SIRT1: variants seen among roughly 807,000 people sequenced by gnomAD.
SIRT1 encodes the protein NAD-dependent protein deacetylase sirtuin-1.
Under a neutral mutation model 67.9 loss-of-function variants are expected in SIRT1, and 24 were observed. The ratio of observed to expected loss-of-function variants is 0.35; its 90% confidence interval spans 0.26 to 0.50. SIRT1 has a LOEUF of 0.50. Ranked by LOEUF, SIRT1 falls within the 20% of genes least tolerant of loss-of-function variation. SIRT1 has a pLI of 0.98. For missense variants in SIRT1, 873 were observed against 937.2 expected, an observed-to-expected ratio of 0.93 and a Z score of 0.89; for synonymous variants, 378 against 350.7, an observed-to-expected ratio of 1.08 and a Z score of -0.87.
At chr10:67,911,472 CA>C (rs1319580409) in intron 7 of SIRT1, among the ~76,000 whole-genome samples, 1 of 152,116 alleles carries the variant, frequency 6.6e-6, no homozygotes, top group Non-Finnish European at 1.5e-5. Context: ...GGATTACAGG[CA>C]TGAGCTACCA....
intron 4 of SIRT1, among the ~76,000 whole-genome samples, chr10:67,892,108 G>A (rs12413112): frequency 0.11 from 16,891 of 152,152 alleles, 964 homozygotes; most frequent in South Asian, 0.15. Flanking sequence ...ATTGATATGT[G>A]CAATAAGTGT....
At chr10:67,886,139 CACCATGT>C (rs1463938622) in intron 1 of SIRT1, among the ~76,000 whole-genome samples, 15 of 151,802 alleles carry the variant, frequency 9.9e-5, no homozygotes, top group Admixed American at 9.8e-4. Context: ...GACGGGGTTT[CACCATGT>C]TGGCCAGGAT....
chr10:67,906,480 A>C (rs1006029665), intron 4 of SIRT1, among the ~76,000 whole-genome samples: 1 of 152,186 alleles, frequency 6.6e-6, no homozygotes, highest in Non-Finnish European at 1.5e-5. Flanking sequence ...TGCAGCCAAC[A>C]AAAATTAGAT....
At chr10:67,913,779 C>T (rs1170988010) in intron 8 of SIRT1, among the ~76,000 whole-genome samples, 1 of 152,158 alleles carries the variant, frequency 6.6e-6, no homozygotes, top group East Asian at 1.9e-4. Flanking sequence ...TAACTTAGAA[C>T]TTTAAGTCTC....
At chr10:67,892,930 AATT>A (rs1240270551) in intron 4 of SIRT1, among the ~76,000 whole-genome samples, 3 of 152,200 alleles carry the variant, frequency 2.0e-5, no homozygotes, top group Non-Finnish European at 4.4e-5. Flanking sequence ...GTTACTAAAC[AATT>A]TAAAGTTATA....
chr10:67,916,361 G>T lies in SIRT1; in HGVS notation c.2012G>T (p.Cys671Phe). The T allele has an allele frequency of 6.2e-7, 1 of 1,614,180 alleles. No homozygotes were observed. Among genetic ancestry groups the T allele is most frequent in the South Asian group, 1.1e-5 (1 of 91,088 alleles). Reference protein sequence around the residue: ...SEDDVLSSSSCGSNSDSGTCQ... With the variant: ...SEDDVLSSSSFGSNSDSGTCQ... ...GATGACGTCTTATCCTCTAGTTCTT[G>T]TGGCAGTAACAGTGATAGTGGGACA... The change falls in exon 9 of 9, where the codon TGT (cysteine) becomes TTT (phenylalanine). Residue 671 changes from cysteine (C) to phenylalanine (F), a missense_variant. Physicochemically the swap from Cys to Phe is radical, Grantham distance 205. Coordinates refer to ENST00000212015, the MANE Select transcript of SIRT1 (RefSeq NM_012238.5).
chr10:67,885,444 C>A (rs947170710), intron 1 of SIRT1: 8 of 1,184,406 alleles, frequency 6.8e-6, no homozygotes, highest in Non-Finnish European at 8.4e-6. Context: ...TTCTCTCCCC[C>A]TCTTACTCTT....
chr10:67,899,265 A>G (rs980057044), intron 4 of SIRT1, among the ~76,000 whole-genome samples: 2 of 151,760 alleles, frequency 1.3e-5, no homozygotes, highest in African/African-American at 4.8e-5. Flanking sequence ...ACCTGTATCC[A>G]CCCAAAATCC....
At chr10:67,915,705 C>A (rs1035888782) in intron 8 of SIRT1, among the ~76,000 whole-genome samples, 1 of 152,224 alleles carries the variant, frequency 6.6e-6, no homozygotes, top group Admixed American at 6.5e-5. Flanking sequence ...AATGAAGATG[C>A]TTTAAAAGCC....
chr10:67,898,066 C>T, intron 4 of SIRT1, among the ~76,000 whole-genome samples: 1 of 148,424 alleles, frequency 6.7e-6, no homozygotes. Context: ...TTGAGACCAG[C>T]CTGACCAACA....
intron 8 of SIRT1, 35 bp from the exon 9 acceptor site, chr10:67,916,230 A>C (rs1417008949): frequency 1.9e-6 from 3 of 1,557,752 alleles, no homozygotes; most frequent in African/African-American, 2.7e-5. Context: ...TAGTGTTAGA[A>C]AACTGAAAGT....
rs774466118 is a variant in SIRT1 at position 67,913,040 on chromosome 10, G to A, written c.1915+9G>A. Reference sequence around the variant, plus strand: ...TAGTAGGCGGCTTGATGGTAAGAAAGGCAGTCGGACCATTTTGAAAGTATA... The same window carrying A: ...TAGTAGGCGGCTTGATGGTAAGAAAAGCAGTCGGACCATTTTGAAAGTATA... On this transcript the variant is annotated intron_variant, in intron 8 of 8. Coordinates refer to ENST00000212015, the MANE Select transcript of SIRT1 (RefSeq NM_012238.5). 45 of 1,583,576 alleles carry A rather than the reference G, an allele frequency of 2.8e-5. No homozygotes were observed. The highest frequency in any genetic ancestry group is 3.6e-5 in the Non-Finnish European group (42 of 1,169,578).
At chr10:67,891,922 G>A (rs761388097) in intron 4 of SIRT1, among the ~76,000 whole-genome samples, 7 of 152,122 alleles carry the variant, frequency 4.6e-5, no homozygotes, top group South Asian at 2.1e-4. Context: ...TTGGTGTTTC[G>A]TAGTCAAGTT....
chr10:67,914,009 G>T (rs926823070), intron 8 of SIRT1, among the ~76,000 whole-genome samples: 1 of 144,928 alleles, frequency 6.9e-6, no homozygotes, highest in Non-Finnish European at 1.5e-5. Flanking sequence ...TGCTGCTGAA[G>T]AACAAAGTAC....
At chr10:67,899,557 A>T (rs1247777236) in intron 4 of SIRT1, among the ~76,000 whole-genome samples, 3 of 152,062 alleles carry the variant, frequency 2.0e-5, no homozygotes, top group Admixed American at 1.3e-4. Flanking sequence ...TTAATACTTG[A>T]TAAATGATTG....
intron 4 of SIRT1, among the ~76,000 whole-genome samples, chr10:67,902,670 G>A (rs1842761628): frequency 6.6e-6 from 1 of 152,182 alleles, no homozygotes; most frequent in South Asian, 2.1e-4. Context: ...AGGAAGGAAA[G>A]TTTAGGTTCT....
intron 4 of SIRT1, among the ~76,000 whole-genome samples, chr10:67,892,117 G>A (rs1043580153): frequency 2.0e-5 from 3 of 152,116 alleles, no homozygotes; most frequent in Non-Finnish European, 2.9e-5. Flanking sequence ...TGCAATAAGT[G>A]TAGAAGACAT....
intron 4 of SIRT1, among the ~76,000 whole-genome samples, chr10:67,892,111 A>G (rs1292132177): frequency 1.3e-5 from 2 of 152,202 alleles, no homozygotes; most frequent in African/African-American, 4.8e-5. Flanking sequence ...GATATGTGCA[A>G]TAAGTGTAGA....
At chr10:67,899,167 C>T (rs4746717) in intron 4 of SIRT1, among the ~76,000 whole-genome samples, 150,751 of 152,094 alleles carry the variant, frequency 0.99, 74,733 homozygotes, top group East Asian at 1. Flanking sequence ...AAATAAAATC[C>T]TCTATTAGGG....
Sources: allele counts gnomAD v4.1 joint callset (sites outside exome capture counted in the v4.1 genomes callset), GRCh38; gene constraint gnomAD v4.1.1; transcripts MANE v1.5; gene names NCBI Gene and HGNC (gene_info 2026-07-23, HGNC 2026-07-21).